Variants in SOAT1 observed in about 807,000 individuals in gnomAD.
SOAT1 encodes the protein acyl-coenzyme A:cholesterol acyltransferase 1.
SOAT1 carries 55 observed loss-of-function variants against 69.5 expected under a neutral mutation model. That is an observed-to-expected ratio of 0.79 (90% CI 0.64 to 0.99). SOAT1 has a LOEUF of 0.99. Ranked by LOEUF, SOAT1 falls within the 50% of genes least tolerant of loss-of-function variation. SOAT1 has a pLI of 0.00. For missense variants in SOAT1, 580 were observed against 669.3 expected, an observed-to-expected ratio of 0.87 and a Z score of 1.47; for synonymous variants, 231 against 224.7, an observed-to-expected ratio of 1.03 and a Z score of -0.25.
chr1:179,306,462 G>A (rs1457078503), intron 2 of SOAT1, among the ~76,000 whole-genome samples: 4 of 152,126 alleles, frequency 2.6e-5, no homozygotes, highest in Non-Finnish European at 1.5e-5. Context: ...CTAAGGTGGT[G>A]GAAATTAGTT....
At chr1:179,310,679 G>C (rs778380933) in intron 2 of SOAT1, among the ~76,000 whole-genome samples, 1 of 152,204 alleles carries the variant, frequency 6.6e-6, no homozygotes, top group East Asian at 1.9e-4. Context: ...GTATCGCTTT[G>C]TGGAGAACAA....
At chr1:179,319,204 G>C (rs1475478405) in intron 2 of SOAT1, among the ~76,000 whole-genome samples, 1 of 148,934 alleles carries the variant, frequency 6.7e-6, no homozygotes, top group African/African-American at 2.5e-5. Context: ...GGGATGTTGA[G>C]TGTCTTTTTG....
At chr1:179,350,488 T>C in intron 14 of SOAT1, 57 bp downstream of exon 14, 14 of 1,524,408 alleles carry the variant, frequency 9.2e-6, no homozygotes, top group Non-Finnish European at 1.2e-5. Context: ...GAAAACCAGA[T>C]AGAAAGGAAA....
intron 13 of SOAT1, 81 bp from the exon 14 acceptor site, chr1:179,350,215 C>CA: frequency 2.6e-6 from 3 of 1,141,004 alleles, no homozygotes; most frequent in Non-Finnish European, 3.8e-6. Context: ...GTGCCTTTGG[C>CA]ATATAATTTT....
At chr1:179,317,921 A>G (rs1174503001) in intron 2 of SOAT1, among the ~76,000 whole-genome samples, 2 of 152,082 alleles carry the variant, frequency 1.3e-5, no homozygotes, top group Non-Finnish European at 2.9e-5. Context: ...GCATGGTGAC[A>G]CATGCCTATA....
intron 2 of SOAT1, among the ~76,000 whole-genome samples, chr1:179,317,565 C>G (rs1665440235): frequency 6.7e-6 from 1 of 148,890 alleles, no homozygotes; most frequent in South Asian, 2.1e-4. Context: ...AAGCTATTAC[C>G]ATGTAGAGTA....
At chr1:179,296,608 T>G (rs1664654583) in intron 1 of SOAT1, among the ~76,000 whole-genome samples, 1 of 152,228 alleles carries the variant, frequency 6.6e-6, no homozygotes, top group Non-Finnish European at 1.5e-5. Flanking sequence ...CTGTGATATG[T>G]AAAAGTTGTA....
At chr1:179,317,081 C>G (rs1270231394) in intron 2 of SOAT1, among the ~76,000 whole-genome samples, 2 of 152,070 alleles carry the variant, frequency 1.3e-5, no homozygotes, top group Non-Finnish European at 2.9e-5. Context: ...GGTTATTAAG[C>G]TTAAATTACC....
intron 3 of SOAT1, among the ~76,000 whole-genome samples, chr1:179,327,907 A>C (rs1665845025): frequency 6.6e-6 from 1 of 152,188 alleles, no homozygotes; most frequent in African/African-American, 2.4e-5. Flanking sequence ...TTGTTAAAAA[A>C]GGTTTTCAGT....
At chr1:179,305,088 G>T (rs1432709278) in intron 2 of SOAT1, among the ~76,000 whole-genome samples, 1 of 136,440 alleles carries the variant, frequency 7.3e-6, no homozygotes, top group Non-Finnish European at 1.6e-5. Flanking sequence ...TATCACCCTG[G>T]AAAGGAGTCC....
chr1:179,296,481 G>T (rs532440143), intron 1 of SOAT1, among the ~76,000 whole-genome samples: 3 of 152,098 alleles, frequency 2.0e-5, no homozygotes, highest in African/African-American at 4.8e-5. Context: ...TAAGAGGATG[G>T]CTTTGTTTTG....
chr1:179,334,983 C>G (rs1666097574), intron 3 of SOAT1, among the ~76,000 whole-genome samples: 1 of 139,954 alleles, frequency 7.1e-6, no homozygotes, highest in South Asian at 2.2e-4. Flanking sequence ...CCATTGCACT[C>G]CAGCCTAGGC....
intron 2 of SOAT1, among the ~76,000 whole-genome samples, chr1:179,306,827 T>G: frequency 1.9e-5 from 1 of 53,250 alleles, no homozygotes; most frequent in Non-Finnish European, 3.4e-5. Flanking sequence ...TGAGACTCCA[T>G]CTCAAAAAAA....
intron 12 of SOAT1, among the ~76,000 whole-genome samples, chr1:179,348,287 A>G (rs1271827826): frequency 6.6e-6 from 1 of 152,170 alleles, no homozygotes; most frequent in Non-Finnish European, 1.5e-5. Flanking sequence ...TTTCTCAAAG[A>G]AACTTTAAGT....
intron 3 of SOAT1, among the ~76,000 whole-genome samples, chr1:179,324,697 A>G (rs1037433668): frequency 1.1e-4 from 16 of 152,216 alleles, no homozygotes; most frequent in Admixed American, 6.5e-4. Context: ...TTTCTCCATC[A>G]TAAGAGATTG....
At chr1:179,344,478 G>C (rs1387858784) in intron 10 of SOAT1, among the ~76,000 whole-genome samples, 1 of 147,218 alleles carries the variant, frequency 6.8e-6, no homozygotes, top group Non-Finnish European at 1.5e-5. Flanking sequence ...GTGTTCAAAC[G>C]ATTCTCCTGC....
At chr1:179,314,324 A>G (rs768096964) in intron 2 of SOAT1, among the ~76,000 whole-genome samples, 3 of 152,148 alleles carry the variant, frequency 2.0e-5, no homozygotes, top group Non-Finnish European at 4.4e-5. Flanking sequence ...TAAATTAGTT[A>G]CCAATTTAAC....
intron 5 of SOAT1, among the ~76,000 whole-genome samples, chr1:179,338,357 C>T (rs1226425824): frequency 6.6e-6 from 1 of 152,066 alleles, no homozygotes; most frequent in Non-Finnish European, 1.5e-5. Context: ...CCCCTGCACT[C>T]CAGCCTGAGC....
chr1:179,321,088 G>A (rs1468421593), intron 2 of SOAT1, among the ~76,000 whole-genome samples: 2 of 152,028 alleles, frequency 1.3e-5, no homozygotes, highest in South Asian at 2.1e-4. Flanking sequence ...TATAGTTTTA[G>A]TAGAGGTGGG....
Sources: gnomAD v4.1 joint callset for allele counts (sites outside exome capture counted in the v4.1 genomes callset) on GRCh38, gnomAD v4.1.1 for gene constraint, MANE v1.5 for transcripts, NCBI Gene and HGNC (gene_info 2026-07-23, HGNC 2026-07-21) for gene names.